Variants in ASNS observed in about 807,000 individuals in gnomAD.
ASNS encodes asparagine synthetase (glutamine-hydrolyzing).
Under a neutral mutation model 62.6 loss-of-function variants are expected in ASNS, and 37 were observed. The observed-to-expected ratio is 0.59, with a 90% CI of 0.45 to 0.78. The LOEUF is 0.78. Among genes scored for constraint, ASNS ranks in the 30% least tolerant of loss-of-function variants. ASNS has a pLI of 0.00. For synonymous variants in ASNS, 207 were observed against 237.9 expected (o/e 0.87, Z 1.19); for missense variants, 520 against 682.4 (o/e 0.76, Z 2.65).
the ASNS span, chr7:97,928,274 T>G: frequency 2.0e-6 from 3 of 1,520,558 alleles, no homozygotes; most frequent in Non-Finnish European, 2.6e-6. Flanking sequence ...TGCCAGTGGC[T>G]TTGGAGCTGC....
chr7:97,856,848 T>A (rs760638294), intron 7 of ASNS, 32 bp from the exon 8 acceptor site: 1 of 1,547,476 alleles, frequency 6.5e-7, no homozygotes, highest in East Asian at 2.3e-5. Context: ...CATTTACTTG[T>A]TAAAGAAAAT....
At chr7:97,862,659 T>C (rs1791780083) in intron 4 of ASNS, among the ~76,000 whole-genome samples, 1 of 151,992 alleles carries the variant, frequency 6.6e-6, no homozygotes, top group African/African-American at 2.4e-5. Flanking sequence ...CTAATAAATG[T>C]AGCACAGTAA....
intron 10 of ASNS, 45 bp from the exon 11 acceptor site, chr7:97,853,431 G>A (rs370462068): frequency 7.3e-6 from 11 of 1,506,490 alleles, no homozygotes; most frequent in East Asian, 4.5e-5. Context: ...TGGGTATTTA[G>A]TGCCTGCCAG....
chr7:97,875,711 G>A (rs535801825), upstream of ASNS, among the ~76,000 whole-genome samples: 25 of 152,288 alleles, frequency 1.6e-4, no homozygotes, highest in South Asian at 1.0e-3. Flanking sequence ...TGCTTGGAAG[G>A]GGAAACAAAT....
At chr7:97,893,514 A>C in the ASNS span, among the ~76,000 whole-genome samples, 5 of 152,274 alleles carry the variant, frequency 3.3e-5, no homozygotes, top group Non-Finnish European at 7.3e-5. Context: ...CACAGACTGA[A>C]AGTGAAGGGA....
chr7:97,868,448 G>A (rs1374391790), intron 3 of ASNS, among the ~76,000 whole-genome samples: 1 of 152,054 alleles, frequency 6.6e-6, no homozygotes, highest in East Asian at 1.9e-4. Flanking sequence ...CTTATTCTTA[G>A]GAGATAAATG....
the ASNS span, among the ~76,000 whole-genome samples, chr7:97,884,609 G>C: frequency 2.0e-5 from 3 of 152,230 alleles, no homozygotes; most frequent in South Asian, 6.2e-4. Context: ...TCACTACGCT[G>C]TTTCTCACCC....
chr7:97,894,480 C>CAAAAAA, the ASNS span, among the ~76,000 whole-genome samples: 47 of 36,526 alleles, frequency 1.3e-3, no homozygotes, highest in Non-Finnish European at 1.7e-3. Context: ...TGAGGCTAAC[C>CAAAAAA]AAAAAAAAAA....
At chr7:97,909,627 A>T in the ASNS span, among the ~76,000 whole-genome samples, 2 of 152,104 alleles carry the variant, frequency 1.3e-5, no homozygotes, top group African/African-American at 2.4e-5. Context: ...ACACTTTTAC[A>T]GAAGATCTGA....
chr7:97,902,123 A>C, the ASNS span, among the ~76,000 whole-genome samples: 1 of 152,196 alleles, frequency 6.6e-6, no homozygotes, highest in African/African-American at 2.4e-5. Flanking sequence ...TTGGGCTTCC[A>C]CTTGCTTTGC....
At chr7:97,908,679 G>C in the ASNS span, 3 of 152,144 alleles carry the variant, frequency 2.0e-5, no homozygotes, top group Admixed American at 2.0e-4. Flanking sequence ...TAAGATTACA[G>C]GCATGAGTCA....
chr7:97,883,372 C>T, the ASNS span, among the ~76,000 whole-genome samples: 3 of 152,092 alleles, frequency 2.0e-5, no homozygotes, highest in Non-Finnish European at 4.4e-5. Context: ...CTGGAGGGCC[C>T]ACTTGGGTAT....
rs1447843065 is a variant in ASNS at position 97,858,339 on chromosome 7, T to C, written c.842A>G (p.Tyr281Cys). Residue 281 changes from tyrosine (Y) to cysteine (C), a missense_variant, in exon 7 of 13, where the codon TAT becomes TGT. Coordinates refer to ENST00000394308, the MANE Select transcript of ASNS (RefSeq NM_001673.5). ...GCCAATTGCAAATGTCTGGAGAGGA[T>C]ACTGTACTTGGGCTTCTTTCAGCTG... is the stretch of plus-strand genomic sequence containing the variant. ...LKQLKEAQVQ[Y>C]PLQTFAIGME... 6.2e-7 allele frequency: 1 copy of C among 1,614,106 alleles called. No homozygotes were observed. Among genetic ancestry groups the C allele is most frequent in the East Asian group, 2.2e-5 (1 of 44,880 alleles).
At chr7:97,885,377 CAT>C in the ASNS span, among the ~76,000 whole-genome samples, 12 of 151,522 alleles carry the variant, frequency 7.9e-5, no homozygotes, top group Non-Finnish European at 1.6e-4. Context: ...TCTGGACGGA[CAT>C]ATATTTTCAT....
chr7:97,884,964 T>G, the ASNS span, among the ~76,000 whole-genome samples: 1 of 152,190 alleles, frequency 6.6e-6, no homozygotes, highest in Non-Finnish European at 1.5e-5. Context: ...AGTGGCACAA[T>G]CTCGGCTCAC....
the ASNS span, among the ~76,000 whole-genome samples, chr7:97,902,153 A>G: frequency 6.6e-6 from 1 of 152,166 alleles, no homozygotes; most frequent in Admixed American, 6.6e-5. Flanking sequence ...CCTCAGAAGG[A>G]GGCTTCATCC....
rs1366922545 is a variant in ASNS at position 97,858,844 on chromosome 7, T to C, written c.775+10A>G. 1.3e-6 allele frequency: 2 copies of C among 1,594,718 alleles called. No individual in the cohort carries two copies. The highest frequency in any genetic ancestry group is 3.6e-5 in the Admixed American group (2 of 55,384). ...ATGAAATATAATTAGGTTTTTTTAA[T>C]TGACTTCACCTGATAAAAGGCAGCC... On this transcript the variant is annotated intron_variant, in intron 6 of 12. Coordinates refer to ENST00000394308, the MANE Select transcript of ASNS (RefSeq NM_001673.5).
chr7:97,852,578 G>T, intron 12 of ASNS, 110 bp from the exon 13 acceptor site: 1 of 1,033,610 alleles, frequency 9.7e-7, no homozygotes, highest in Non-Finnish European at 1.5e-6. Context: ...TAACTTGTAT[G>T]AGACCCTTTG....
chr7:97,913,845 T>C, the ASNS span, among the ~76,000 whole-genome samples: 1 of 144,722 alleles, frequency 6.9e-6, no homozygotes, highest in East Asian at 2.0e-4. Flanking sequence ...GATTGGTGGA[T>C]GGAAAGATGG....
Sources: allele counts gnomAD v4.1 joint callset (sites outside exome capture counted in the v4.1 genomes callset), GRCh38; gene constraint gnomAD v4.1.1; transcripts MANE v1.5; gene names NCBI Gene and HGNC (gene_info 2026-07-23, HGNC 2026-07-21).